PCDH7: variants seen among roughly 807,000 people sequenced by gnomAD.
PCDH7 encodes protocadherin-7.
A neutral mutation model predicts 58.9 loss-of-function variants in PCDH7; 17 were observed. That is an observed-to-expected ratio of 0.29 (90% CI 0.20 to 0.43). PCDH7 has a LOEUF of 0.43. Ranked by LOEUF, PCDH7 falls within the 20% of genes least tolerant of loss-of-function variation. The pLI, the probability that PCDH7 is intolerant of heterozygous loss-of-function variation, is 1.00. For missense variants in PCDH7, 1,274 were observed against 1,441.0 expected (o/e 0.88, Z 1.88); for synonymous variants, 664 against 616.4 (o/e 1.08, Z -1.14).
intron 3 of PCDH7, among the ~76,000 whole-genome samples, chr4:31,000,310 A>C (rs7666616): frequency 1 from 152,178 of 152,178 alleles, 76,089 homozygotes; most frequent in Non-Finnish European, 1. Flanking sequence ...AAAACAGTTT[A>C]TATATGGAAC....
chr4:30,822,443 G>T lies in PCDH7; in HGVS notation c.71-97710G>T, dbSNP rs10517219. ...CTGGCACAGAGTAACAGTGAGCTGCGTAAAAGGTCAGGTGCTGCATTTTCA... is the reference window on the plus strand; with the variant it reads ...CTGGCACAGAGTAACAGTGAGCTGCTTAAAAGGTCAGGTGCTGCATTTTCA... On this transcript the variant is annotated intron_variant, in intron 1 of 3. Transcript: ENST00000509759. Among the ~76,000 whole-genome samples, 320 of 151,886 alleles carry T rather than the reference G, an allele frequency of 2.1e-3. 1 individual carries two copies. Among genetic ancestry groups the T allele is most frequent in the South Asian group, 4.2e-3 (20 of 4,814 alleles).
intron 1 of PCDH7, among the ~76,000 whole-genome samples, chr4:30,865,763 A>G (rs1368555397): frequency 6.6e-6 from 1 of 152,108 alleles, no homozygotes; most frequent in African/African-American, 2.4e-5. Context: ...GTCTTTTCTC[A>G]GTTGATGAAC....
rs867129558 is a variant in PCDH7, at chr4:30,828,238, T to C, written c.71-91915T>C. ...ATGACTATCTCAACAAAAATTACCCTTAGTAAAGGAAAAAAAAATATGTTG... is the reference window on the plus strand; with the variant it reads ...ATGACTATCTCAACAAAAATTACCCCTAGTAAAGGAAAAAAAAATATGTTG... On this transcript the variant is annotated intron_variant, in intron 1 of 3. Coordinates refer to the PCDH7 transcript ENST00000509759. 2.1e-5 allele frequency among the ~76,000 whole-genome samples: 3 copies of C among 141,726 alleles called. No individual in the cohort carries two copies. In the South Asian group the frequency reaches 6.6e-4, roughly 31 times the overall value. The allele number at this position is 141,726 out of a possible 152,430, so 93.0% of individuals were successfully genotyped here.
intron 3 of PCDH7, among the ~76,000 whole-genome samples, chr4:31,051,647 A>C (rs1047579373): frequency 6.6e-6 from 1 of 152,154 alleles, no homozygotes; most frequent in African/African-American, 2.4e-5. Flanking sequence ...AACAAGTAAA[A>C]TAAAACAGCA....
At chr4:31,065,253 T>C (rs533454363) in intron 3 of PCDH7, among the ~76,000 whole-genome samples, 29 of 152,142 alleles carry the variant, frequency 1.9e-4, no homozygotes, top group African/African-American at 6.0e-4. Context: ...CAGTCTAGTG[T>C]ACTTAGCTCT....
At chr4:31,140,113 A>C (rs1244606853) in intron 3 of PCDH7, among the ~76,000 whole-genome samples, 1 of 152,186 alleles carries the variant, frequency 6.6e-6, no homozygotes, top group African/African-American at 2.4e-5. Flanking sequence ...CTATTTAATA[A>C]ATGATTATAA....
At chr4:30,849,057 A>C (rs772619356) in intron 1 of PCDH7, among the ~76,000 whole-genome samples, 6 of 152,146 alleles carry the variant, frequency 3.9e-5, no homozygotes, top group Non-Finnish European at 8.8e-5. Flanking sequence ...TTAACATTCC[A>C]TTCTAACTAA....
chr4:31,120,686 T>C (rs1013316303), intron 3 of PCDH7, among the ~76,000 whole-genome samples: 1 of 152,202 alleles, frequency 6.6e-6, no homozygotes, highest in Non-Finnish European at 1.5e-5. Flanking sequence ...ATGCAGTGGC[T>C]AAGCAAGGGT....
exon 1 of PCDH7, chr4:30,724,381 C>G: frequency 6.2e-7 from 1 of 1,613,954 alleles, no homozygotes; most frequent in South Asian, 1.1e-5. Context: ...TAATGGTGGG[C>G]CCGGCAGTCC....
intron 2 of PCDH7, among the ~76,000 whole-genome samples, chr4:30,922,123 C>T (rs548515120): frequency 2.0e-5 from 3 of 150,874 alleles, no homozygotes; most frequent in African/African-American, 4.9e-5. Flanking sequence ...CGTGTAATTA[C>T]GTATGTGTGA....
chr4:30,800,171 T>C (rs919873506), intron 1 of PCDH7, among the ~76,000 whole-genome samples: 4 of 151,986 alleles, frequency 2.6e-5, no homozygotes, highest in African/African-American at 9.7e-5. Context: ...GAATATAACT[T>C]CTACTGATAT....
At chr4:30,817,718 C>A (rs905355772) in intron 1 of PCDH7, among the ~76,000 whole-genome samples, 2 of 151,872 alleles carry the variant, frequency 1.3e-5, no homozygotes, top group African/African-American at 4.8e-5. Context: ...TCAGGTCATG[C>A]ATGTTATTGT....
At chr4:30,948,840 A>G (rs1318248379) in intron 2 of PCDH7, among the ~76,000 whole-genome samples, 2 of 152,172 alleles carry the variant, frequency 1.3e-5, no homozygotes, top group African/African-American at 4.8e-5. Context: ...ACGATGGCTA[A>G]TCATAAGGAG....
intron 3 of PCDH7, among the ~76,000 whole-genome samples, chr4:31,134,140 T>G (rs1719307999): frequency 6.6e-6 from 1 of 152,134 alleles, no homozygotes; most frequent in Non-Finnish European, 1.5e-5. Context: ...TATTGGTCAG[T>G]CTATTATCCA....
At chr4:31,097,449 G>A (rs149310677) in intron 3 of PCDH7, among the ~76,000 whole-genome samples, 1,595 of 144,246 alleles carry the variant, frequency 0.011, 12 homozygotes, top group Middle Eastern at 0.027. Context: ...GTAAGACTTC[G>A]TCTAAAAAAG....
intron 3 of PCDH7, among the ~76,000 whole-genome samples, chr4:30,990,879 G>A (rs890135844): frequency 2.0e-5 from 3 of 151,994 alleles, no homozygotes; most frequent in African/African-American, 7.2e-5. Flanking sequence ...TATGCATATT[G>A]TTAAGAATAA....
intron 3 of PCDH7, among the ~76,000 whole-genome samples, chr4:31,127,742 A>G (rs774790105): frequency 6.6e-6 from 1 of 152,130 alleles, no homozygotes; most frequent in Non-Finnish European, 1.5e-5. Flanking sequence ...AATAAGAATA[A>G]AACTTTAGTC....
At chr4:31,131,098 CAG>C (rs1415950089) in intron 3 of PCDH7, among the ~76,000 whole-genome samples, 1 of 152,138 alleles carries the variant, frequency 6.6e-6, no homozygotes, top group Non-Finnish European at 1.5e-5. Context: ...TGCCCCAACA[CAG>C]GGAGCACTGA....
intron 1 of PCDH7, among the ~76,000 whole-genome samples, chr4:30,835,868 T>C (rs1327484708): frequency 6.6e-6 from 1 of 152,214 alleles, no homozygotes; most frequent in African/African-American, 2.4e-5. Context: ...TAAGGTGTTT[T>C]TCTTGCACTA....
Sources: gnomAD v4.1 joint callset for allele counts (sites outside exome capture counted in the v4.1 genomes callset) on GRCh38, gnomAD v4.1.1 for gene constraint, MANE v1.5 for transcripts, NCBI Gene and HGNC (gene_info 2026-07-23, HGNC 2026-07-21) for gene names.